The following DHX9 variants were observed in gnomAD, a reference collection of about 807,000 sequenced individuals.
The protein encoded by DHX9 is ATP-dependent RNA helicase A.
Under a neutral mutation model 148.7 loss-of-function variants are expected in DHX9, and 27 were observed. That is an observed-to-expected ratio of 0.18 (90% CI 0.13 to 0.25). The LOEUF is 0.25. DHX9 is among the 10% of genes least tolerant of loss of function. The probability of loss-of-function intolerance (pLI) is 1.00; values close to 1 mark genes in which losing one functional copy is unlikely to be tolerated. For missense variants in DHX9, 796 were observed against 1,559.6 expected, an observed-to-expected ratio of 0.51 and a Z score of 8.25; for synonymous variants, 529 against 516.6, an observed-to-expected ratio of 1.02 and a Z score of -0.33.
chr1:182,884,893 T>G, intron 27 of DHX9, 80 bp downstream of exon 27: 2 of 1,343,520 alleles, frequency 1.5e-6, no homozygotes, highest in Non-Finnish European at 2.1e-6. Flanking sequence ...AAGTTAGTGA[T>G]AGAAGCCCTA....
chr1:182,872,605 T>C, intron 15 of DHX9, 112 bp downstream of exon 15: 1 of 1,182,250 alleles, frequency 8.5e-7, no homozygotes, highest in South Asian at 1.5e-5. Flanking sequence ...CAGGACAAAT[T>C]ATAGTATCAA....
chr1:182,843,562 C>A, intron 3 of DHX9, 128 bp downstream of exon 3: 2 of 1,031,914 alleles, frequency 1.9e-6, no homozygotes, highest in Non-Finnish European at 2.6e-6. Flanking sequence ...TGAAATTTGG[C>A]ATCTTGTTTT....
chr1:182,866,713 T>C (rs1557973295), intron 13 of DHX9, 128 bp downstream of exon 13: 9 of 1,228,722 alleles, frequency 7.3e-6, no homozygotes, highest in African/African-American at 3.0e-5. Flanking sequence ...AATAAAACTT[T>C]TGGCAGTTTT....
Position 182,887,526 on chromosome 1 carries a change from C to A in DHX9, c.*92C>A. On this transcript the variant is annotated 3_prime_UTR_variant, in exon 28 of 28. Coordinates refer to ENST00000367549, the MANE Select transcript of DHX9 (RefSeq NM_001357.5). ...TTTTTCCAGTATGTTTATTTGCCAC[C>A]AAAAAGTAAATGCATTTTCACCCAT... 2 of 1,193,974 alleles carry A rather than the reference C, an allele frequency of 1.7e-6. No individual in the cohort carries two copies. Among genetic ancestry groups the A allele is most frequent in the Non-Finnish European group, 2.3e-6 (2 of 856,302 alleles). The allele number at this position is 1,193,974 out of a possible 1,614,324, so 74.0% of individuals were successfully genotyped here.
intron 3 of DHX9, among the ~76,000 whole-genome samples, chr1:182,844,002 A>T (rs1400728122): frequency 6.6e-6 from 1 of 152,204 alleles, no homozygotes; most frequent in African/African-American, 2.4e-5. Flanking sequence ...ACTGTCGCCC[A>T]GGCTGGAGTG....
At chr1:182,871,807 A>G (rs1166207301) in intron 14 of DHX9, among the ~76,000 whole-genome samples, 2 of 152,212 alleles carry the variant, frequency 1.3e-5, no homozygotes, top group East Asian at 3.9e-4. Flanking sequence ...AAATTTAAAA[A>G]TATAGTCGGC....
rs1232967826 is a variant in DHX9 at position 182,878,184 on chromosome 1, T to A, written c.2351+11T>A. On this transcript the variant is annotated intron_variant, in intron 20 of 27. Transcript: ENST00000367549. ...AGCTCGTTTTGAGAGGTAAGACCCA[T>A]TCTTGACCTTTAGTAAGGGATTTTT... is the stretch of plus-strand genomic sequence containing the variant. The A allele has an allele frequency of 6.2e-7, 1 of 1,613,768 alleles. No homozygotes were observed. Among genetic ancestry groups the A allele is most frequent in the Admixed American group, 1.7e-5 (1 of 59,950 alleles).
intron 26 of DHX9, 72 bp downstream of exon 26, chr1:182,883,707 C>G: frequency 1.9e-6 from 2 of 1,078,744 alleles, no homozygotes; most frequent in East Asian, 2.4e-5. Context: ...AGCTGCTAAT[C>G]TAACTTAATT....
chr1:182,881,184 C>T, intron 22 of DHX9, 80 bp from the exon 23 acceptor site: 2 of 1,431,750 alleles, frequency 1.4e-6, no homozygotes, highest in Non-Finnish European at 1.9e-6. Flanking sequence ...AGACTGCAAC[C>T]CACAGTCGAC....
chr1:182,847,730 C>T (rs879294231), intron 3 of DHX9, among the ~76,000 whole-genome samples: 20 of 152,200 alleles, frequency 1.3e-4, no homozygotes, highest in African/African-American at 1.9e-4. Context: ...TGGCTTCTCT[C>T]AGGCTAAAAG....
intron 15 of DHX9, among the ~76,000 whole-genome samples, chr1:182,873,854 C>T (rs61807503): frequency 0.02 from 3,073 of 151,958 alleles, 49 homozygotes; most frequent in Non-Finnish European, 0.032. Flanking sequence ...AAACAATATA[C>T]AAAAATGAGC....
intron 8 of DHX9, 46 bp downstream of exon 8, chr1:182,858,286 A>T (rs371775650): frequency 1.9e-6 from 3 of 1,587,036 alleles, no homozygotes; most frequent in East Asian, 4.5e-5. Flanking sequence ...GTGAGATTCA[A>T]TTTAGCTCTT....
intron 13 of DHX9, 112 bp from the exon 14 acceptor site, chr1:182,866,849 G>A (rs866323009): frequency 1.2e-6 from 1 of 856,848 alleles, no homozygotes; most frequent in Non-Finnish European, 1.8e-6. Flanking sequence ...AAATGTACAT[G>A]TGATTATTTT....
At chr1:182,868,841 T>C (rs2102609448) in intron 14 of DHX9, among the ~76,000 whole-genome samples, 1 of 152,308 alleles carries the variant, frequency 6.6e-6, no homozygotes. Context: ...TTCAGTTTTG[T>C]CAAAACTAAG....
At chr1:182,882,112 A>G (rs979277767) in intron 24 of DHX9, among the ~76,000 whole-genome samples, 8 of 152,218 alleles carry the variant, frequency 5.3e-5, no homozygotes, top group African/African-American at 1.7e-4. Context: ...CAAGATGGTA[A>G]ATTTTTAAAG....
At position 182,876,227 on chromosome 1, in the gene DHX9, A is replaced by G. The variant is rs1183190812; in HGVS notation, c.1993A>G (p.Thr665Ala). The G allele has an allele frequency of 6.2e-7, 1 of 1,613,974 alleles. No homozygotes were observed. The highest frequency in any genetic ancestry group is 2.2e-5 in the East Asian group (1 of 44,872). ...TTTGCCTGGCTGGAATCTGATTTAT[A>G]CTATGCAGAAGCATTTGGAAATGAA... The part of the protein sequence containing the change: ...VFLPGWNLIY[T>A]MQKHLEMNPH... The change falls in exon 17 of 28, where the codon ACT (threonine) becomes GCT (alanine). Residue 665 changes from threonine (T) to alanine (A), a missense_variant. By Grantham distance (58) the Thr-to-Ala change is moderately conservative. Transcript: ENST00000367549.
chr1:182,855,926 A>T (rs1053630781), intron 6 of DHX9, among the ~76,000 whole-genome samples: 1 of 152,168 alleles, frequency 6.6e-6, no homozygotes, highest in African/African-American at 2.4e-5. Flanking sequence ...ATGTTACAAC[A>T]TGTGTTTTGT....
chr1:182,867,928 C>T (rs1253401594), intron 14 of DHX9, among the ~76,000 whole-genome samples: 2 of 152,184 alleles, frequency 1.3e-5, no homozygotes, highest in Non-Finnish European at 2.9e-5. Context: ...GGTTTCAGTG[C>T]ATGGGCAGCA....
chr1:182,879,595 G>C (rs565844343), intron 21 of DHX9, among the ~76,000 whole-genome samples, 185 bp downstream of exon 21: 5 of 152,256 alleles, frequency 3.3e-5, no homozygotes, highest in African/African-American at 1.2e-4. Flanking sequence ...TGAGCAATGA[G>C]AAGGAAGAAA....
Sources: allele counts gnomAD v4.1 joint callset (sites outside exome capture counted in the v4.1 genomes callset), GRCh38; gene constraint gnomAD v4.1.1; transcripts MANE v1.5; gene names NCBI Gene and HGNC (gene_info 2026-07-23, HGNC 2026-07-21).